AP4S1: variants seen among roughly 807,000 people sequenced by gnomAD.
AP4S1 encodes the protein AP-4 complex subunit sigma-1.
AP4S1 carries 23 observed loss-of-function variants against 19.8 expected under a neutral mutation model. That is an observed-to-expected ratio of 1.16 (90% CI 0.84 to 1.65). The LOEUF is 1.65. Among genes scored for constraint, AP4S1 ranks in the 40% most tolerant of loss-of-function variants. The pLI is 0.00. For synonymous variants in AP4S1, 46 were observed against 54.1 expected (o/e 0.85, Z 0.66); for missense variants, 166 against 172.8 (o/e 0.96, Z 0.22).
intron 4 of AP4S1, among the ~76,000 whole-genome samples, chr14:31,077,355 TG>T (rs1280420864): frequency 6.6e-6 from 1 of 152,214 alleles, no homozygotes; most frequent in Non-Finnish European, 1.5e-5. Context: ...TTAGTAATAT[TG>T]TGTGCACTAA....
intron 3 of AP4S1, 63 bp from the exon 4 acceptor site, chr14:31,072,842 C>G: frequency 7.3e-7 from 1 of 1,371,652 alleles, no homozygotes; most frequent in Non-Finnish European, 1.0e-6. Context: ...CTGGGAAGTT[C>G]TATGTCTGGT....
intron 5 of AP4S1, among the ~76,000 whole-genome samples, chr14:31,082,298 G>A (rs1887678035): frequency 6.6e-6 from 1 of 152,118 alleles, no homozygotes; most frequent in Non-Finnish European, 1.5e-5. Flanking sequence ...AGACCACGTT[G>A]TATATTATGG....
Position 31,093,296 on chromosome 14 carries a change from A to C in AP4S1, c.*261A>C, listed in dbSNP as rs1171238056. On this transcript the variant is annotated 3_prime_UTR_variant, in exon 6 of 6. Transcript: ENST00000542754. ...TTGTAAACATATCTGTCGCACTTTA[A>C]ATTCTGTTGAGCACCTAAGGAACCC... 1 of 280,814 alleles carries C rather than the reference A, an allele frequency of 3.6e-6. No individual in the cohort carries two copies. The highest frequency in any genetic ancestry group is 2.3e-5 in the African/African-American group (1 of 43,950). The allele number at this position is 280,814 out of a possible 1,614,324, so 17.4% of individuals were successfully genotyped here.
In AP4S1 at chr14:31,066,156, T is replaced by A; in HGVS notation, c.-41T>A. ...AGTTACAGCCATCCCTTGTCATAAC[T>A]TTTGAACTGTATTTGGAAAAATACT... is the stretch of plus-strand genomic sequence containing the variant. On this transcript the variant is annotated 5_prime_UTR_variant, in exon 2 of 6. Transcript: ENST00000542754. The A allele has an allele frequency of 6.2e-7, 1 of 1,608,956 alleles. No homozygotes were observed. Among genetic ancestry groups the A allele is most frequent in the Non-Finnish European group, 8.5e-7 (1 of 1,176,474 alleles).
chr14:31,052,229 G>A (rs536948380), intron 1 of AP4S1, among the ~76,000 whole-genome samples: 60 of 152,120 alleles, frequency 3.9e-4, no homozygotes, highest in Middle Eastern at 6.8e-3. Flanking sequence ...CCATGATTGC[G>A]CCACTGCACT....
At chr14:31,083,648 G>A (rs1469296976) in intron 5 of AP4S1, 2 of 428,074 alleles carry the variant, frequency 4.7e-6, no homozygotes, top group Non-Finnish European at 9.2e-6. Flanking sequence ...GGGACTACAG[G>A]TACACAACAC....
chr14:31,080,740 G>C (rs1887594075), intron 5 of AP4S1, 156 bp downstream of exon 5: 1 of 1,047,992 alleles, frequency 9.5e-7, no homozygotes, highest in Admixed American at 1.8e-5. Context: ...GTGTTCTGCA[G>C]AACTCCTCCC....
At chr14:31,026,929 T>A (rs759449095) in intron 1 of AP4S1, 1 of 152,438 alleles carries the variant, frequency 6.6e-6, no homozygotes, top group Non-Finnish European at 1.5e-5. Context: ...GCTCTGCCTC[T>A]GGTTTCTTAG....
chr14:31,087,779 G>A (rs1887960776), intron 5 of AP4S1, among the ~76,000 whole-genome samples: 2 of 152,184 alleles, frequency 1.3e-5, no homozygotes, highest in African/African-American at 4.8e-5. Flanking sequence ...AATAAGGGGA[G>A]ATGTTTTAGA....
intron 1 of AP4S1, among the ~76,000 whole-genome samples, chr14:31,055,632 C>T (rs1485400963): frequency 6.6e-6 from 1 of 152,018 alleles, no homozygotes; most frequent in Non-Finnish European, 1.5e-5. Flanking sequence ...TACATGTTTT[C>T]TGGGTGAAAA....
At chr14:31,066,758 G>A (rs1886739386) in intron 2 of AP4S1, among the ~76,000 whole-genome samples, 1 of 152,110 alleles carries the variant, frequency 6.6e-6, no homozygotes, top group African/African-American at 2.4e-5. Flanking sequence ...GACCCATTTT[G>A]TGCCAGAGGA....
chr14:31,075,258 A>G (rs1221916737), intron 4 of AP4S1, among the ~76,000 whole-genome samples: 1 of 152,124 alleles, frequency 6.6e-6, no homozygotes, highest in East Asian at 1.9e-4. Flanking sequence ...TTTACTTCCC[A>G]CATGAATGAG....
chr14:31,026,066 G>T (rs1335813639), intron 1 of AP4S1: 2 of 1,516,678 alleles, frequency 1.3e-6, no homozygotes, highest in Non-Finnish European at 1.8e-6. Flanking sequence ...GAGGACCCCC[G>T]CCGCCCGCCG....
chr14:31,025,385 A>C (rs534053025), upstream of AP4S1: 2 of 165,082 alleles, frequency 1.2e-5, no homozygotes, highest in Admixed American at 1.2e-4. Context: ...CCCAGGAAAG[A>C]AGCGTGGCTG....
intron 5 of AP4S1, among the ~76,000 whole-genome samples, chr14:31,087,388 G>T (rs1328324856): frequency 6.6e-6 from 1 of 152,036 alleles, no homozygotes; most frequent in East Asian, 1.9e-4. Context: ...ACGGAGCTTT[G>T]CTCTGTTGTC....
At chr14:31,080,232 C>G (rs878995017) in intron 4 of AP4S1, among the ~76,000 whole-genome samples, 8 of 152,168 alleles carry the variant, frequency 5.3e-5, no homozygotes, top group African/African-American at 1.9e-4. Flanking sequence ...CTAGAAGTAA[C>G]GTCAGTGGAT....
At chr14:31,091,003 T>C (rs1478871966) in intron 5 of AP4S1, among the ~76,000 whole-genome samples, 1 of 152,226 alleles carries the variant, frequency 6.6e-6, no homozygotes, top group Non-Finnish European at 1.5e-5. Flanking sequence ...TGTTGGGAAA[T>C]TGACTTGCTG....
At chr14:31,066,615 C>G (rs1029387015) in intron 2 of AP4S1, among the ~76,000 whole-genome samples, 4 of 152,164 alleles carry the variant, frequency 2.6e-5, no homozygotes, top group African/African-American at 9.7e-5. Context: ...TTTCCTTCTG[C>G]TAATAGACAC....
At chr14:31,075,298 G>T (rs1887294149) in intron 4 of AP4S1, among the ~76,000 whole-genome samples, 1 of 152,046 alleles carries the variant, frequency 6.6e-6, no homozygotes, top group African/African-American at 2.4e-5. Flanking sequence ...TCGGTGCCTG[G>T]CTTATTTCAC....
Sources: gnomAD v4.1 joint callset for allele counts (sites outside exome capture counted in the v4.1 genomes callset) on GRCh38, gnomAD v4.1.1 for gene constraint, MANE v1.5 for transcripts, NCBI Gene and HGNC (gene_info 2026-07-23, HGNC 2026-07-21) for gene names.